ALK: variants seen among roughly 807,000 people sequenced by gnomAD.
The protein encoded by ALK is ALK tyrosine kinase receptor.
Under a neutral mutation model 163.1 loss-of-function variants are expected in ALK, and 74 were observed. The observed-to-expected ratio is 0.45, with a 90% confidence interval of 0.38 to 0.55. ALK has a LOEUF of 0.55. ALK is among the 20% of genes least tolerant of loss of function. The pLI, the probability that ALK is intolerant of heterozygous loss-of-function variation, is 0.00. For missense variants in ALK, 2,063 were observed against 2,105.3 expected, an observed-to-expected ratio of 0.98 and a Z score of 0.39; for synonymous variants, 960 against 843.2, an observed-to-expected ratio of 1.14 and a Z score of -2.40.
intron 3 of ALK, among the ~76,000 whole-genome samples, chr2:29,579,228 T>C (rs1286068978): frequency 6.6e-6 from 1 of 152,210 alleles, no homozygotes; most frequent in Non-Finnish European, 1.5e-5. Context: ...CAATTTTGTC[T>C]TTGACTTGCC....
chr2:29,702,838 GC>G (rs893903393), intron 2 of ALK, among the ~76,000 whole-genome samples: 2 of 152,208 alleles, frequency 1.3e-5, no homozygotes, highest in African/African-American at 4.8e-5. Context: ...GGAAAAAGCT[GC>G]CCCCACGATT....
chr2:29,239,830 G>C lies in ALK; in HGVS notation c.2205C>G (p.Ser735Arg). 6.2e-7 allele frequency: 1 copy of C among 1,613,270 alleles called. No homozygotes were observed. Among genetic ancestry groups the C allele is most frequent in the African/African-American group, 1.3e-5 (1 of 75,060 alleles). The change falls in exon 13 of 29, where the codon AGC (serine) becomes AGG (arginine). Residue 735 changes from serine (S) to arginine (R), a missense_variant and splice_region_variant. Ser to Arg is a moderately radical substitution (Grantham distance 110). This residue lies in a region of ALK where 15 missense variants were observed against 33.5 expected (regional missense o/e 0.45). Coordinates refer to ENST00000389048, the MANE Select transcript of ALK (RefSeq NM_004304.5). Reference sequence around the variant, plus strand: ...CGCCAGCAGCTCCGTAGCCCGAGATGCTGCAATGGGACAAAGAACGTTGGC... The same window carrying C: ...CGCCAGCAGCTCCGTAGCCCGAGATCCTGCAATGGGACAAAGAACGTTGGC... ...IWKVPATDTY[S>R]ISGYGAAGGK...
Position 29,207,212 on chromosome 2 carries a change from C to T in ALK, c.3897G>A (p.Glu1299=), listed in dbSNP as rs771521773. ...AAGTGAATATTCCTTCCATGAAGGC[C>T]TCTGGGGGCATCCACTTAACTGGCA... The part of the protein sequence containing the change: ...AMLPVKWMPP[E]AFMEGIFTSK... Residue 1299 remains glutamate (E), a synonymous_variant, in exon 26 of 29, where the codon GAG becomes GAA. Transcript: ENST00000389048. 2 of 1,614,106 alleles carry T rather than the reference C, an allele frequency of 1.2e-6. No individual in the cohort carries two copies. The highest frequency in any genetic ancestry group is 1.7e-6 in the Non-Finnish European group (2 of 1,179,990).
intron 15 of ALK, among the ~76,000 whole-genome samples, chr2:29,230,184 C>A (rs186225627): frequency 0.012 from 1,769 of 152,144 alleles, 30 homozygotes; most frequent in African/African-American, 0.039. Flanking sequence ...ATAAAAAAAT[C>A]ATCTCTAGAT....
At chr2:29,642,094 C>A (rs1209350057) in intron 3 of ALK, among the ~76,000 whole-genome samples, 1 of 152,192 alleles carries the variant, frequency 6.6e-6, no homozygotes, top group Admixed American at 6.5e-5. Flanking sequence ...CACTGCTTTG[C>A]AGTGTGGTCC....
intron 1 of ALK, among the ~76,000 whole-genome samples, chr2:29,831,395 T>C (rs1266934990): frequency 6.6e-6 from 1 of 151,752 alleles, no homozygotes; most frequent in East Asian, 2.0e-4. Context: ...CTAGGAGTTC[T>C]GGATATATAT....
intron 1 of ALK, among the ~76,000 whole-genome samples, chr2:29,904,022 A>C (rs1255841446): frequency 1.3e-5 from 2 of 152,218 alleles, no homozygotes; most frequent in Non-Finnish European, 2.9e-5. Flanking sequence ...ATTAAAAAAG[A>C]ATAACTTGGT....
intron 1 of ALK, chr2:29,899,579 C>G (rs1285224552): frequency 6.6e-6 from 1 of 152,512 alleles, no homozygotes; most frequent in Non-Finnish European, 1.5e-5. Flanking sequence ...GTAATCCCAG[C>G]ACTTTGGGAG....
intron 18 of ALK, among the ~76,000 whole-genome samples, chr2:29,225,909 A>G (rs1280067644): frequency 6.6e-6 from 1 of 152,122 alleles, no homozygotes; most frequent in East Asian, 1.9e-4. Flanking sequence ...GTGACCAAAC[A>G]ACAGGGTGCG....
intron 8 of ALK, among the ~76,000 whole-genome samples, chr2:29,302,541 C>T (rs1573208821): frequency 6.6e-6 from 1 of 152,132 alleles, no homozygotes; most frequent in Non-Finnish European, 1.5e-5. Context: ...AAAGAATTAA[C>T]CTTCTTTCAT....
Position 29,232,287 on chromosome 2 carries a change from C to T in ALK, c.2632+17G>A, listed in dbSNP as rs201350160. On this transcript the variant is annotated intron_variant, in intron 15 of 28. Coordinates refer to ENST00000389048, the MANE Select transcript of ALK (RefSeq NM_004304.5). ...CTGGGAGAGGTTCTGGGAGAGGGCA[C>T]GCTTGCAGCGCTTTACCTGCGGCTC... 90 of 1,614,026 alleles carry T rather than the reference C, an allele frequency of 5.6e-5. No individual in the cohort carries two copies. The highest frequency in any genetic ancestry group is 6.6e-5 in the South Asian group (6 of 91,074).
At chr2:29,274,964 A>G in intron 11 of ALK, 135 bp downstream of exon 11, 4 of 1,166,318 alleles carry the variant, frequency 3.4e-6, no homozygotes, top group Non-Finnish European at 5.1e-6. Flanking sequence ...CCATAGTCAG[A>G]GTGTAGGTGA....
intron 9 of ALK, among the ~76,000 whole-genome samples, chr2:29,279,601 G>A (rs1243149939): frequency 6.6e-6 from 1 of 152,130 alleles, no homozygotes; most frequent in Non-Finnish European, 1.5e-5. Context: ...GACAGAGTGG[G>A]CATCAGGACC....
intron 6 of ALK, among the ~76,000 whole-genome samples, chr2:29,326,720 A>G (rs1474718074): frequency 6.6e-6 from 1 of 152,260 alleles, no homozygotes; most frequent in Non-Finnish European, 1.5e-5. Flanking sequence ...TTGTATAGAA[A>G]TGAAGTTTTA....
chr2:29,647,938 T>G (rs1676931775), intron 3 of ALK, among the ~76,000 whole-genome samples: 1 of 152,146 alleles, frequency 6.6e-6, no homozygotes, highest in Non-Finnish European at 1.5e-5. Context: ...TCATTATGAA[T>G]AGAAGATAAT....
At chr2:29,533,166 G>A (rs1673164045) in intron 3 of ALK, among the ~76,000 whole-genome samples, 1 of 152,158 alleles carries the variant, frequency 6.6e-6, no homozygotes, top group Admixed American at 6.5e-5. Flanking sequence ...GCATAAGACC[G>A]TGTCTGAGCT....
intron 3 of ALK, among the ~76,000 whole-genome samples, chr2:29,624,653 C>G (rs1676141579): frequency 6.6e-6 from 1 of 152,314 alleles, no homozygotes; most frequent in South Asian, 2.1e-4. Context: ...GGGCTTAATA[C>G]TGGGTGATGG....
At chr2:29,621,369 C>G (rs1032961076) in intron 3 of ALK, among the ~76,000 whole-genome samples, 1 of 152,142 alleles carries the variant, frequency 6.6e-6, no homozygotes, top group Non-Finnish European at 1.5e-5. Flanking sequence ...AAGTAGGCAA[C>G]CTTGAAATGA....
chr2:29,270,085 C>A (rs566814463), intron 11 of ALK, among the ~76,000 whole-genome samples: 1 of 151,612 alleles, frequency 6.6e-6, no homozygotes, highest in Non-Finnish European at 1.5e-5. Flanking sequence ...AGATCCCTCT[C>A]GAAGACCTAT....
Sources: allele counts gnomAD v4.1 joint callset (sites outside exome capture counted in the v4.1 genomes callset), GRCh38; gene constraint gnomAD v4.1.1; regional missense constraint gnomAD v4.1.1; transcripts MANE v1.5; gene names NCBI Gene and HGNC (gene_info 2026-07-23, HGNC 2026-07-21).